Variants in SDCBP2 observed in about 807,000 individuals in gnomAD.
The protein encoded by SDCBP2 is syndecan binding protein 2, also known as syntenin-2.
In SDCBP2, 28 loss-of-function variants were observed where a neutral mutation model predicts 30.7. The ratio of observed to expected loss-of-function variants is 0.91; its 90% CI spans 0.68 to 1.25. The LOEUF (loss-of-function observed/expected upper bound fraction) is 1.25. Among genes scored for constraint, SDCBP2 ranks in the 50% most tolerant of loss-of-function variants. SDCBP2 has a pLI of 0.00. For synonymous variants in SDCBP2, 166 were observed against 157.3 expected (o/e 1.06, Z -0.41); for missense variants, 399 against 379.0 (o/e 1.05, Z -0.44).
rs1053380676 is a variant in SDCBP2, at chr20:1,316,665, C to G, written c.225+1653G>C. 2.6e-5 allele frequency among the ~76,000 whole-genome samples: 4 copies of G among 152,224 alleles called. No homozygotes were observed. The East Asian group carries it at 5.8e-4, about 22-fold the overall frequency. On this transcript the variant is annotated intron_variant, in intron 4 of 8. Transcript: ENST00000360779. ...TCAGCTTCCCAAAGTACTGGGATTA[C>G]AGGCATGCACCACCACACCTGGTGG...
intron 1 of SDCBP2, among the ~76,000 whole-genome samples, chr20:1,326,732 G>T (rs887717932): frequency 6.6e-6 from 1 of 152,176 alleles, no homozygotes; most frequent in East Asian, 1.9e-4. Context: ...CATTTCCTAG[G>T]TTGGATTTCC....
At chr20:1,312,277 C>T in intron 7 of SDCBP2, 60 bp downstream of exon 7, 1 of 1,554,726 alleles carries the variant, frequency 6.4e-7, no homozygotes, top group South Asian at 1.2e-5. Flanking sequence ...AGCAAGCTGC[C>T]CAAAGACCTG....
chr20:1,310,069 C>G lies in SDCBP2; in HGVS notation c.*372G>C, dbSNP rs117384548. The G allele has an allele frequency of 2.6e-3, 472 of 185,058 alleles. 3 individuals are homozygous for G. The highest frequency in any genetic ancestry group is 4.5e-3 in the Middle Eastern group (2 of 446). The allele number at this position is 185,058 out of a possible 1,614,324, so 11.5% of individuals were successfully genotyped here. A position where few individuals can be genotyped will look rare whatever the true frequency, so the allele number is the denominator to read the frequency against. ...AGCAAGTCAAGGCAAGGAAAAAGCTCTCACAAAGAACGTAGCTCTGTTCTC... is the reference window on the plus strand; with the variant it reads ...AGCAAGTCAAGGCAAGGAAAAAGCTGTCACAAAGAACGTAGCTCTGTTCTC... On this transcript the variant is annotated 3_prime_UTR_variant, in exon 9 of 9. Transcript: ENST00000360779.
intron 4 of SDCBP2, among the ~76,000 whole-genome samples, chr20:1,314,939 A>G (rs2088753958): frequency 6.6e-6 from 1 of 152,264 alleles, no homozygotes; most frequent in Admixed American, 6.5e-5. Context: ...CCAAATTGAT[A>G]TACAGATATA....
At chr20:1,310,568 C>A in intron 8 of SDCBP2, 73 bp from the exon 9 acceptor site, 14 of 1,419,052 alleles carry the variant, frequency 9.9e-6, no homozygotes, top group Non-Finnish European at 1.4e-5. Flanking sequence ...CACCCCCTTC[C>A]GAGCCAGTGC....
Position 1,324,963 on chromosome 20 carries a change from C to A in SDCBP2, c.-20+4122G>T, listed in dbSNP as rs143378021. Among the ~76,000 whole-genome samples the A allele has an allele frequency of 1.7e-3, 253 of 152,284 alleles. No individual in the cohort carries two copies. The highest frequency in any genetic ancestry group is 5.7e-3 in the African/African-American group (236 of 41,554). ...ATGCATATTCTTTTATTAGAAATTA[C>A]TTTCATGTCCCTGCCTTCTCCTTAT... On this transcript the variant is annotated intron_variant, in intron 1 of 8. Coordinates refer to ENST00000360779, the MANE Select transcript of SDCBP2 (RefSeq NM_080489.5). The surrounding 1 kb of genome is among the most constrained non-coding windows in gnomAD (Gnocchi z 4.7).
At position 1,310,508 on chromosome 20, in the gene SDCBP2, A is replaced by G. The variant is rs2088645432; in HGVS notation, c.825-13T>C. The G allele has an allele frequency of 2.6e-6, 4 of 1,535,822 alleles. No homozygotes were observed. Among genetic ancestry groups the G allele is most frequent in the Non-Finnish European group, 2.7e-6 (3 of 1,112,894 alleles). ...GACTGGAGGCAACCTGGATACAGCA[A>G]CAACAGTGACCAGGTTGGCAGCTCC... is the stretch of plus-strand genomic sequence containing the variant. On this transcript the variant is annotated splice_polypyrimidine_tract_variant and intron_variant, in intron 8 of 8. Coordinates refer to ENST00000360779, the MANE Select transcript of SDCBP2 (RefSeq NM_080489.5).
Position 1,313,574 on chromosome 20 carries a change from A to G in SDCBP2, c.226-76T>C. 1 of 1,468,238 alleles carries G rather than the reference A, an allele frequency of 6.8e-7. No homozygotes were observed. Among genetic ancestry groups the G allele is most frequent in the Non-Finnish European group, 9.0e-7 (1 of 1,110,796 alleles). The allele number at this position is 1,468,238 out of a possible 1,614,324, so 91.0% of individuals were successfully genotyped here. The stretch of plus-strand genomic sequence containing the variant: ...CCTCAGGAGACACTGGGGTGGGGGT[A>G]GGGATGGGGAAAGGAGGATGGAGCC... On this transcript the variant is annotated intron_variant, in intron 4 of 8. Coordinates refer to ENST00000360779, the MANE Select transcript of SDCBP2 (RefSeq NM_080489.5). This position sits in a 1 kb window ranked among gnomAD's most constrained non-coding sequence, Gnocchi z 5.2.
chr20:1,326,523 T>C (rs1164267464), intron 1 of SDCBP2, among the ~76,000 whole-genome samples: 1 of 152,248 alleles, frequency 6.6e-6, no homozygotes, highest in African/African-American at 2.4e-5. Flanking sequence ...TGCTATTCCC[T>C]CTGTCTTAAG....
chr20:1,311,258 T>C (rs1430895786), intron 7 of SDCBP2, among the ~76,000 whole-genome samples: 2 of 152,168 alleles, frequency 1.3e-5, no homozygotes, highest in East Asian at 3.9e-4. Context: ...ACAGTCACAT[T>C]TGGGTTCTGG....
At chr20:1,319,186 C>T (rs2088819986) in intron 3 of SDCBP2, among the ~76,000 whole-genome samples, 1 of 152,196 alleles carries the variant, frequency 6.6e-6, no homozygotes. Flanking sequence ...GAGATTGGAT[C>T]ACCAGAATGG....
chr20:1,310,417 T>C lies in SDCBP2; in HGVS notation c.*24A>G. 1.9e-6 allele frequency: 3 copies of C among 1,612,112 alleles called. No individual in the cohort carries two copies. Among genetic ancestry groups the C allele is most frequent in the Non-Finnish European group, 2.5e-6 (3 of 1,179,358 alleles). On this transcript the variant is annotated 3_prime_UTR_variant, in exon 9 of 9. Coordinates refer to ENST00000360779, the MANE Select transcript of SDCBP2 (RefSeq NM_080489.5). Reference sequence around the variant, plus strand: ...CTGCAGGAGGGCGGGAAGCCCCCCCTGCCTGCCCTGCCCTGCAGTGGCTTC... The same window carrying C: ...CTGCAGGAGGGCGGGAAGCCCCCCCCGCCTGCCCTGCCCTGCAGTGGCTTC...
At chr20:1,325,448 G>C (rs2088909057) in intron 1 of SDCBP2, 1 of 152,190 alleles carries the variant, frequency 6.6e-6, no homozygotes, top group Non-Finnish European at 1.5e-5. Flanking sequence ...CCTCCTTGCC[G>C]CTTGCGTTAC....
chr20:1,319,611 T>C lies in SDCBP2; in HGVS notation c.103A>G (p.Thr35Ala), dbSNP rs1162065308. 5.7e-6 allele frequency: 9 copies of C among 1,573,662 alleles called. No homozygotes were observed. The highest frequency in any genetic ancestry group is 7.8e-6 in the Non-Finnish European group (9 of 1,158,990). ...TCACCTGGTGGTGGGGAAATGGCTGTTGCCTGGACTGGCAGGGCTGGCATC... is the reference window on the plus strand; with the variant it reads ...TCACCTGGTGGTGGGGAAATGGCTGCTGCCTGGACTGGCAGGGCTGGCATC... The part of the protein sequence containing the change: ...PKMPALPVQA[T>A]AISPPPVLYP... The change falls in exon 3 of 9, where the codon ACA becomes GCA. Residue 35 changes from threonine (T) to alanine (A), a missense_variant. Coordinates refer to ENST00000360779, the MANE Select transcript of SDCBP2 (RefSeq NM_080489.5).
In SDCBP2 at chr20:1,315,927, A is replaced by G. The variant is rs985377204; in HGVS notation, c.225+2391T>C. Among the ~76,000 whole-genome samples, 8 of 152,158 alleles carry G rather than the reference A, an allele frequency of 5.3e-5. No homozygotes were observed. In the South Asian group the frequency reaches 8.3e-4, roughly 16 times the overall value. ...CATAGCAAGACCTTGTCTCTGCAAAAAATAAAAATAACAATAATAAAAGAA... is the reference window on the plus strand; with the variant it reads ...CATAGCAAGACCTTGTCTCTGCAAAGAATAAAAATAACAATAATAAAAGAA... On this transcript the variant is annotated intron_variant, in intron 4 of 8. Transcript: ENST00000360779.
intron 4 of SDCBP2, among the ~76,000 whole-genome samples, chr20:1,316,186 G>GCACATGGAAATGTATA (rs1284866018): frequency 6.6e-6 from 1 of 152,178 alleles, no homozygotes; most frequent in Non-Finnish European, 1.5e-5. Context: ...TATACAGATG[G>GCACATGGAAATGTATA]TAATAAGCAC....
chr20:1,319,220 A>C (rs2088820342), intron 3 of SDCBP2, among the ~76,000 whole-genome samples: 1 of 152,222 alleles, frequency 6.6e-6, no homozygotes, highest in Middle Eastern at 3.4e-3. Flanking sequence ...ATTTGAGGTG[A>C]CTCAAATCGT....
At chr20:1,318,074 C>T (rs562737560) in intron 4 of SDCBP2, 34 of 551,276 alleles carry the variant, frequency 6.2e-5, no homozygotes, top group African/African-American at 5.1e-4. Flanking sequence ...GGCCCAAGGT[C>T]AAAGGGCAAG....
chr20:1,318,020 C>T lies in SDCBP2; in HGVS notation c.225+298G>A, dbSNP rs150824833. 1,762 of 435,356 alleles carry T rather than the reference C, an allele frequency of 4.0e-3. 9 individuals are homozygous for T. The highest frequency in any genetic ancestry group is 6.0e-3 in the Non-Finnish European group (1,355 of 224,092). The allele number at this position is 435,356 out of a possible 1,614,324, so 27.0% of individuals were successfully genotyped here. A position where few individuals can be genotyped will look rare whatever the true frequency, so the allele number is the denominator to read the frequency against. ...CAGGCAGCCCTGCTTTTGATGTCCCCAGGTTCACGCTGGGCTTAATGACCT... is the reference window on the plus strand; with the variant it reads ...CAGGCAGCCCTGCTTTTGATGTCCCTAGGTTCACGCTGGGCTTAATGACCT... On this transcript the variant is annotated intron_variant, in intron 4 of 8. Transcript: ENST00000360779.
Sources: gnomAD v4.1 joint callset for allele counts (sites outside exome capture counted in the v4.1 genomes callset) on GRCh38, gnomAD v4.1.1 for gene constraint, Gnocchi (gnomAD v3.1) non-coding constraint, MANE v1.5 for transcripts, NCBI Gene and HGNC (gene_info 2026-07-23, HGNC 2026-07-21) for gene names.